The following INTS7 variants were observed in gnomAD, a reference collection of about 807,000 sequenced individuals.
INTS7 encodes integrator complex subunit 7.
A neutral mutation model predicts 109.2 loss-of-function variants in INTS7; 46 were observed. That is an observed-to-expected ratio of 0.42 (90% confidence interval 0.33 to 0.54). The LOEUF (loss-of-function observed/expected upper bound fraction) is 0.54. Among genes scored for constraint, INTS7 ranks in the 20% least tolerant of loss-of-function variants. The pLI is 0.07. For synonymous variants in INTS7, 412 were observed against 402.9 expected (o/e 1.02, Z -0.27); for missense variants, 929 against 1,132.4 (o/e 0.82, Z 2.58).
chr1:211,998,378 A>G (rs1186008783), intron 7 of INTS7, among the ~76,000 whole-genome samples: 1 of 152,264 alleles, frequency 6.6e-6, no homozygotes, highest in Non-Finnish European at 1.5e-5. Context: ...GCACAGACCA[A>G]TAGAACAGAA....
intron 7 of INTS7, among the ~76,000 whole-genome samples, chr1:211,989,816 C>A (rs1485511580): frequency 1.4e-5 from 2 of 143,000 alleles, no homozygotes; most frequent in Non-Finnish European, 1.5e-5. Context: ...AGCAAGACTC[C>A]GTTTCAAAAA....
chr1:211,969,271 C>T (rs1664054436), intron 13 of INTS7, among the ~76,000 whole-genome samples: 1 of 148,614 alleles, frequency 6.7e-6, no homozygotes, highest in African/African-American at 2.5e-5. Context: ...GGCGATAGAA[C>T]GAGACTGTCT....
intron 16 of INTS7, among the ~76,000 whole-genome samples, chr1:211,952,908 C>T (rs989489929): frequency 6.6e-6 from 1 of 152,150 alleles, no homozygotes; most frequent in Non-Finnish European, 1.5e-5. Flanking sequence ...GAATTCAAAC[C>T]CAGGTCTGAC....
In INTS7 at chr1:211,978,507, G is replaced by A. The variant is rs1462015062; in HGVS notation, c.1235C>T (p.Ala412Val). The A allele has an allele frequency of 3.1e-6, 5 of 1,613,966 alleles. No individual in the cohort carries two copies. Among genetic ancestry groups the A allele is most frequent in the African/African-American group, 2.7e-5 (2 of 74,916 alleles). The change falls in exon 11 of 20, where the codon GCT becomes GTT. Residue 412 changes from alanine (A) to valine (V), a missense_variant. Physicochemically the swap from Ala to Val is moderately conservative, Grantham distance 64. Around this residue, in one of 2 missense-constraint regions of INTS7, gnomAD observed 787 missense variants for 901.1 expected, o/e 0.87. Coordinates refer to ENST00000366994, the MANE Select transcript of INTS7 (RefSeq NM_015434.4). Reference protein sequence around the residue: ...SPGAQATLKIALNCMVKLAKG... With the variant: ...SPGAQATLKIVLNCMVKLAKG... Reference sequence around the variant, plus strand: ...GGCCAACTTCACCATACAGTTTAGAGCAATCTGCACGCCAAAAAGAAAATG... The same window carrying A: ...GGCCAACTTCACCATACAGTTTAGAACAATCTGCACGCCAAAAAGAAAATG...
intron 1 of INTS7, among the ~76,000 whole-genome samples, chr1:212,026,921 G>A (rs1666948055): frequency 1.3e-5 from 2 of 152,194 alleles, no homozygotes; most frequent in Non-Finnish European, 2.9e-5. Context: ...AGACCATATT[G>A]ATTTGTTTAA....
At chr1:212,011,260 TAATA>T in intron 5 of INTS7, 111 bp downstream of exon 5, 2 of 620,982 alleles carry the variant, frequency 3.2e-6, no homozygotes, top group Non-Finnish European at 5.6e-6. Context: ...AGAAGATACT[TAATA>T]AATATTATTT....
At chr1:211,991,747 T>C (rs1558042631) in intron 7 of INTS7, among the ~76,000 whole-genome samples, 1 of 152,154 alleles carries the variant, frequency 6.6e-6, no homozygotes, top group African/African-American at 2.4e-5. Flanking sequence ...AAACTGGCAT[T>C]AAGAAAGGCC....
rs1662610072 is a variant in INTS7, at chr1:211,941,216, G to C, written c.*608C>G. 6.6e-6 allele frequency: 1 copy of C among 152,468 alleles called. No homozygotes were observed. The highest frequency in any genetic ancestry group is 2.1e-4 in the South Asian group (1 of 4,838). The allele number at this position is 152,468 out of a possible 1,614,324, so 9.4% of individuals were successfully genotyped here. ...AGTCAGGCAGCAAATGATGTATTTT[G>C]GAAGAGTAGCGGTCAAATTTACCAA... On this transcript the variant is annotated 3_prime_UTR_variant, in exon 20 of 20. Transcript: ENST00000366994.
At chr1:211,949,932 A>G (rs1033097955) in intron 17 of INTS7, among the ~76,000 whole-genome samples, 4 of 152,052 alleles carry the variant, frequency 2.6e-5, no homozygotes, top group African/African-American at 9.7e-5. Flanking sequence ...GAGATTCCCA[A>G]CCCCTTCTTA....
At chr1:212,021,570 T>C (rs1452345126) in intron 1 of INTS7, among the ~76,000 whole-genome samples, 6 of 150,584 alleles carry the variant, frequency 4.0e-5, no homozygotes. Context: ...GTTTAACCCA[T>C]AGGTGGCTCA....
chr1:211,959,501 C>A lies in INTS7; in HGVS notation c.2184-6800G>T, dbSNP rs781684869. ...TGGGCCGGCTCACCTGCTCCCTCCCCGTACTGGCAGCTTTCCCTGGGCCCA... is the reference window on the plus strand; with the variant it reads ...TGGGCCGGCTCACCTGCTCCCTCCCAGTACTGGCAGCTTTCCCTGGGCCCA... On this transcript the variant is annotated intron_variant, in intron 16 of 19. Coordinates refer to ENST00000366994, the MANE Select transcript of INTS7 (RefSeq NM_015434.4). The surrounding 1 kb of genome is among the most constrained non-coding windows in gnomAD (Gnocchi z 4.2). Among the ~76,000 whole-genome samples, 3 of 152,148 alleles carry A rather than the reference C, an allele frequency of 2.0e-5. No individual in the cohort carries two copies. Among genetic ancestry groups the A allele is most frequent in the African/African-American group, 7.2e-5 (3 of 41,410 alleles).
At chr1:211,998,656 TATAAAAGAAAAAAACATTAA>T in intron 7 of INTS7, among the ~76,000 whole-genome samples, 1 of 143,810 alleles carries the variant, frequency 7.0e-6, no homozygotes, top group Non-Finnish European at 1.6e-5. Flanking sequence ...AAATACAACC[TATAAAAGAAAAAAACATTAA>T]TAAACTAGAT....
intron 7 of INTS7, among the ~76,000 whole-genome samples, chr1:211,998,917 C>T (rs1665534136): frequency 6.6e-6 from 1 of 152,120 alleles, no homozygotes. Context: ...ACATCATTAG[C>T]CATTAGGAAA....
intron 5 of INTS7, among the ~76,000 whole-genome samples, chr1:212,008,105 C>T (rs1308868260): frequency 1.3e-5 from 2 of 152,168 alleles, no homozygotes; most frequent in Non-Finnish European, 2.9e-5. Flanking sequence ...TTATACTCTG[C>T]GTATTGCTGG....
intron 1 of INTS7, among the ~76,000 whole-genome samples, chr1:212,034,054 G>C (rs1015382240): frequency 1.3e-5 from 2 of 152,054 alleles, no homozygotes; most frequent in African/African-American, 2.4e-5. Context: ...CTGCACTCTA[G>C]CCTGGGCAAC....
intron 7 of INTS7, among the ~76,000 whole-genome samples, chr1:211,996,369 C>A (rs1665388416): frequency 6.6e-6 from 1 of 152,096 alleles, no homozygotes; most frequent in African/African-American, 2.4e-5. Context: ...CTGAGGTGAA[C>A]TGAGATAGCA....
chr1:211,966,433 G>T lies in INTS7; in HGVS notation c.2180C>A (p.Ala727Glu). 1 of 1,551,620 alleles carries T rather than the reference G, an allele frequency of 6.4e-7. No homozygotes were observed. The highest frequency in any genetic ancestry group is 8.9e-7 in the Non-Finnish European group (1 of 1,123,916). The change falls in exon 16 of 20, where the codon GCA (alanine) becomes GAA (glutamate). Residue 727 changes from alanine to glutamate, a missense_variant. Transcript: ENST00000366994. ...IEALILDPESASFQEYGSTGT... is the reference protein window; with the variant it reads ...IEALILDPESESFQEYGSTGT... ...CTATTATTAATATTAGAATTACCTT[G>T]CTGATTCTGGATCCAAAATCAGGGC...
At chr1:212,000,030 T>A (rs150946803) in intron 7 of INTS7, among the ~76,000 whole-genome samples, 1 of 151,582 alleles carries the variant, frequency 6.6e-6, no homozygotes, top group Admixed American at 6.6e-5. Flanking sequence ...GCTTGAACCC[T>A]GGAGGCAGAG....
chr1:211,942,210 G>C lies in INTS7; in HGVS notation c.2602-99C>G. The C allele has an allele frequency of 1.5e-6, 2 of 1,320,578 alleles. No homozygotes were observed. Among genetic ancestry groups the C allele is most frequent in the Non-Finnish European group, 2.1e-6 (2 of 955,294 alleles). The allele number at this position is 1,320,578 out of a possible 1,614,324, so 81.8% of individuals were successfully genotyped here. A position where few individuals can be genotyped will look rare whatever the true frequency, so the allele number is the denominator to read the frequency against. ...TCTAAGAGCTTATTTAGACCATGCA[G>C]ACAATAAAAAATTAGGTACTGCTAT... On this transcript the variant is annotated intron_variant, in intron 19 of 19. Transcript: ENST00000366994. This position sits in a 1 kb window ranked among gnomAD's most constrained non-coding sequence, Gnocchi z 4.2.
Sources: allele counts gnomAD v4.1 joint callset (sites outside exome capture counted in the v4.1 genomes callset), GRCh38; gene constraint gnomAD v4.1.1; regional missense constraint gnomAD v4.1.1; non-coding constraint Gnocchi (gnomAD v3.1); transcripts MANE v1.5; gene names NCBI Gene and HGNC (gene_info 2026-07-23, HGNC 2026-07-21).